SOS1: variants seen among roughly 807,000 people sequenced by gnomAD.
SOS1 encodes the protein SOS Ras/Rac guanine nucleotide exchange factor 1.
In SOS1, 25 loss-of-function variants were observed where a neutral mutation model predicts 157.6. The ratio of observed to expected loss-of-function variants is 0.16; its 90% CI spans 0.12 to 0.22. The LOEUF (loss-of-function observed/expected upper bound fraction) is 0.22, where lower values mean the gene tolerates loss of function less well. Among genes scored for constraint, SOS1 ranks in the 10% least tolerant of loss-of-function variants. The pLI is 1.00. For synonymous variants in SOS1, 528 were observed against 534.0 expected (o/e 0.99, Z 0.16); for missense variants, 1,237 against 1,599.1 (o/e 0.77, Z 3.86).
chr2:39,002,008 TC>T (rs1490354506), intron 17 of SOS1, among the ~76,000 whole-genome samples: 4 of 152,138 alleles, frequency 2.6e-5, no homozygotes, highest in Non-Finnish European at 4.4e-5. Context: ...GTCTGAAACT[TC>T]CTCCTTTCAC....
chr2:39,095,250 G>A (rs1332189855), intron 1 of SOS1, among the ~76,000 whole-genome samples: 1 of 152,160 alleles, frequency 6.6e-6, no homozygotes, highest in Non-Finnish European at 1.5e-5. Context: ...CATCTACACA[G>A]AGAACCACAA....
intron 1 of SOS1, among the ~76,000 whole-genome samples, chr2:39,108,269 T>C (rs907626376): frequency 2.0e-5 from 3 of 152,246 alleles, no homozygotes; most frequent in African/African-American, 7.2e-5. Flanking sequence ...CTGGCTTTCC[T>C]GCCTACAGTT....
chr2:39,071,021 T>C (rs967026721), intron 1 of SOS1, among the ~76,000 whole-genome samples: 6 of 151,990 alleles, frequency 3.9e-5, no homozygotes, highest in African/African-American at 7.2e-5. Context: ...TGCCACCACG[T>C]TGGGCTAATT....
chr2:39,075,613 G>A (rs918373508), intron 1 of SOS1, among the ~76,000 whole-genome samples: 2 of 151,796 alleles, frequency 1.3e-5, no homozygotes, highest in Non-Finnish European at 2.9e-5. Context: ...AGACCAGCCT[G>A]GAGAAAACAG....
At chr2:39,115,980 C>T (rs918504572) in intron 1 of SOS1, among the ~76,000 whole-genome samples, 2 of 151,710 alleles carry the variant, frequency 1.3e-5, no homozygotes, top group African/African-American at 4.8e-5. Context: ...GTTTGTATCA[C>T]AATTTGCTTA....
rs894671080 is a variant in SOS1 at position 39,121,008 on chromosome 2, T to C, written c.-586A>G. The C allele has an allele frequency of 7.4e-5, 13 of 174,738 alleles. No individual in the cohort carries two copies. The highest frequency in any genetic ancestry group is 1.3e-4 in the South Asian group (1 of 7,568). The allele number at this position is 174,738 out of a possible 1,614,324, so 10.8% of individuals were successfully genotyped here. ...GCCGCCGCCACCGCCGCCGCCGGTG[T>C]AGCGCTGGAGCTTCCTACTAGCGAA... On this transcript the variant is annotated 5_prime_UTR_variant, in exon 1 of 23. Coordinates refer to ENST00000402219, the MANE Select transcript of SOS1 (RefSeq NM_005633.4).
At chr2:38,989,549 AC>A (rs1178474995) in intron 20 of SOS1, among the ~76,000 whole-genome samples, 1 of 19,040 alleles carries the variant, frequency 5.3e-5, no homozygotes, top group Non-Finnish European at 1.2e-4. Context: ...TAAATGAAAA[AC>A]ATTCATAAAA....
intron 6 of SOS1, among the ~76,000 whole-genome samples, chr2:39,048,577 T>A (rs1400468535): frequency 6.6e-6 from 1 of 151,666 alleles, no homozygotes; most frequent in African/African-American, 2.4e-5. Context: ...ATTTTTGTAT[T>A]TTTTAGTAGA....
rs1362407634 is a variant in SOS1 at position 38,985,683 on chromosome 2, A to G, written c.*141T>C. ...TATAATTACATCTAGGTTAAAATTC[A>G]TTGTCTTATACTGCATCTTGAAGAA... On this transcript the variant is annotated 3_prime_UTR_variant, in exon 23 of 23. Transcript: ENST00000402219. 2 of 980,522 alleles carry G rather than the reference A, an allele frequency of 2.0e-6. No homozygotes were observed. The highest frequency in any genetic ancestry group is 2.4e-5 in the East Asian group (1 of 41,010). 60.7% of individuals were successfully genotyped at this position (980,522 alleles called of 1,614,324 possible). A position where few individuals can be genotyped will look rare whatever the true frequency, so the allele number is the denominator to read the frequency against.
At chr2:38,999,931 G>C (rs766583701) in intron 17 of SOS1, among the ~76,000 whole-genome samples, 1 of 152,200 alleles carries the variant, frequency 6.6e-6, no homozygotes, top group Non-Finnish European at 1.5e-5. Flanking sequence ...TATGAAGCCA[G>C]GTGGGTTGGA....
intron 10 of SOS1, among the ~76,000 whole-genome samples, chr2:39,022,206 A>G (rs1314605559): frequency 2.6e-5 from 4 of 151,784 alleles, no homozygotes; most frequent in Admixed American, 6.6e-5. Context: ...TTTTATTTAT[A>G]ATCTCAGAAA....
chr2:39,090,303 T>G (rs1404407839), intron 1 of SOS1, among the ~76,000 whole-genome samples: 6 of 152,190 alleles, frequency 3.9e-5, no homozygotes, highest in African/African-American at 1.4e-4. Context: ...GATCCAACTT[T>G]TTCCTCTATG....
At chr2:38,994,187 A>G (rs765865032) in intron 20 of SOS1, among the ~76,000 whole-genome samples, 1 of 152,238 alleles carries the variant, frequency 6.6e-6, no homozygotes, top group Non-Finnish European at 1.5e-5. Flanking sequence ...TATTGATTTC[A>G]TGTTGAAATG....
intron 20 of SOS1, among the ~76,000 whole-genome samples, chr2:38,991,923 C>A (rs1356446960): frequency 6.6e-6 from 1 of 151,940 alleles, no homozygotes; most frequent in Non-Finnish European, 1.5e-5. Flanking sequence ...TGGGAAAAAA[C>A]CGTAAGAGTA....
chr2:39,099,637 C>T (rs1672893493), intron 1 of SOS1, among the ~76,000 whole-genome samples: 1 of 152,156 alleles, frequency 6.6e-6, no homozygotes. Flanking sequence ...AAATAAACAA[C>T]TTGGACTACA....
chr2:39,038,416 A>C (rs1041839988), intron 6 of SOS1, among the ~76,000 whole-genome samples: 3 of 152,022 alleles, frequency 2.0e-5, no homozygotes, highest in African/African-American at 4.8e-5. Context: ...TGAATGGAGA[A>C]TTTGCTTCTT....
intron 1 of SOS1, among the ~76,000 whole-genome samples, chr2:39,098,980 T>C (rs900967304): frequency 6.6e-6 from 1 of 152,176 alleles, no homozygotes; most frequent in Admixed American, 6.5e-5. Flanking sequence ...TCAAACAAGA[T>C]CTACAAATGT....
chr2:39,062,457 G>GA (rs1482218340), intron 2 of SOS1, among the ~76,000 whole-genome samples: 5 of 143,776 alleles, frequency 3.5e-5, no homozygotes, highest in Admixed American at 2.1e-4. Context: ...GAAAAGAAAA[G>GA]AAAGAAAGAA....
intron 1 of SOS1, among the ~76,000 whole-genome samples, chr2:39,110,039 C>CGTGTGTGTGTGTGTGTGT (rs779110307): frequency 1.1e-4 from 15 of 135,352 alleles, no homozygotes; most frequent in East Asian, 2.1e-4. Context: ...TGTGTGTGTG[C>CGTGTGTGTGTGTGTGTGT]GTGTGTGTGT....
Sources: allele counts gnomAD v4.1 joint callset (sites outside exome capture counted in the v4.1 genomes callset), GRCh38; gene constraint gnomAD v4.1.1; transcripts MANE v1.5; gene names NCBI Gene and HGNC (gene_info 2026-07-23, HGNC 2026-07-21).